Variants in DACH2 observed in about 807,000 individuals in gnomAD.
DACH2 encodes dachshund family transcription factor 2.
Under a neutral mutation model 35.8 loss-of-function variants are expected in DACH2, and 17 were observed. The observed-to-expected ratio is 0.48, with a 90% CI of 0.33 to 0.71. The LOEUF (loss-of-function observed/expected upper bound fraction) is 0.71. Ranked by LOEUF, DACH2 falls within the 30% of genes least tolerant of loss-of-function variation. The pLI is 0.02. For synonymous variants in DACH2, 195 were observed against 177.3 expected, an observed-to-expected ratio of 1.10 and a Z score of -0.79; for missense variants, 469 against 472.7, an observed-to-expected ratio of 0.99 and a Z score of 0.07.
chrX:86,313,829 G>A (rs2034845855), intron 1 of DACH2, among the ~76,000 whole-genome samples: 1 of 111,406 alleles, frequency 9.0e-6, no homozygotes, highest in Non-Finnish European at 1.9e-5. Context: ...ACAAGTTGTG[G>A]CAACCCCACA....
intron 7 of DACH2, among the ~76,000 whole-genome samples, chrX:86,760,128 T>G (rs1474740614): frequency 1.8e-5 from 2 of 111,599 alleles, no homozygotes; most frequent in South Asian, 3.7e-4. Context: ...TTTTTAGAAT[T>G]TTATCATTGC....
chrX:86,331,305 A>T lies in DACH2; in HGVS notation c.489-45519A>T, dbSNP rs1297683063. 4.5e-5 allele frequency among the ~76,000 whole-genome samples: 5 copies of T among 111,180 alleles called. No homozygotes were observed. The Admixed American group carries it at 4.9e-4, about 11-fold the overall frequency. On this transcript the variant is annotated intron_variant, in intron 1 of 11. Transcript: ENST00000373125. Reference sequence around the variant, plus strand: ...GTTCCCATTGACACAAACTAACCCAATGTGGTTAGTTATACTGCTTCATGA... The same window carrying T: ...GTTCCCATTGACACAAACTAACCCATTGTGGTTAGTTATACTGCTTCATGA...
At chrX:86,463,081 G>T (rs945816725) in intron 2 of DACH2, among the ~76,000 whole-genome samples, 1 of 111,232 alleles carries the variant, frequency 9.0e-6, no homozygotes, top group African/African-American at 3.3e-5. Flanking sequence ...TGATTGCAAA[G>T]CACTACGATA....
At chrX:86,266,926 TA>T (rs1420924995) in intron 1 of DACH2, among the ~76,000 whole-genome samples, 9 of 112,117 alleles carry the variant, frequency 8.0e-5, no homozygotes, top group South Asian at 3.7e-4. Context: ...ATATTATGGA[TA>T]AAAAATAATT....
chrX:86,667,553 A>AAGG (rs2040706248), intron 4 of DACH2, among the ~76,000 whole-genome samples: 2 of 49,644 alleles, frequency 4.0e-5, no homozygotes, highest in African/African-American at 2.1e-4. Context: ...AAGAAGAAAG[A>AAGG]AAGAAAGAAA....
At position 86,685,086 on chromosome X, in the gene DACH2, A is replaced by G. The variant is rs144041328; in HGVS notation, c.773-9935A>G. ...TTAATGAAGGTGACAGAGTTCCTAC[A>G]TTGAGTAGAAGTATCAGCTCTGCTA... On this transcript the variant is annotated intron_variant, in intron 4 of 11. Coordinates refer to ENST00000373125, the MANE Select transcript of DACH2 (RefSeq NM_053281.3). 1.4e-3 allele frequency among the ~76,000 whole-genome samples: 162 copies of G among 111,981 alleles called. 1 individual carries two copies. In the East Asian group the frequency reaches 0.04, roughly 28 times the overall value.
At chrX:86,556,269 C>T (rs1389463769) in intron 3 of DACH2, among the ~76,000 whole-genome samples, 1 of 111,005 alleles carries the variant, frequency 9.0e-6, no homozygotes, top group African/African-American at 3.3e-5. Flanking sequence ...CCTAGAAAGC[C>T]AATCGTTGCC....
At chrX:86,436,310 G>C (rs894269796) in intron 2 of DACH2, among the ~76,000 whole-genome samples, 9 of 109,727 alleles carry the variant, frequency 8.2e-5, no homozygotes, top group African/African-American at 3.0e-4. Flanking sequence ...AAACTCCTGT[G>C]GCAAAAGTGG....
In DACH2 at chrX:86,398,134, G is replaced by A. The variant is rs900344451; in HGVS notation, c.527+21272G>A. Among the ~76,000 whole-genome samples, 74 of 111,762 alleles carry A rather than the reference G, an allele frequency of 6.6e-4. 1 individual carries two copies. Among genetic ancestry groups the A allele is most frequent in the Admixed American group, 4.7e-3 (50 of 10,550 alleles). The stretch of plus-strand genomic sequence containing the variant: ...AGTCTTCGGATGGTGTATGTGTCGA[G>A]GAATTTATCCATTTCTCCTAGATTT... On this transcript the variant is annotated intron_variant, in intron 2 of 11. Transcript: ENST00000373125.
At chrX:86,276,062 G>C (rs2033910522) in intron 1 of DACH2, among the ~76,000 whole-genome samples, 1 of 112,052 alleles carries the variant, frequency 8.9e-6, no homozygotes, top group African/African-American at 3.2e-5. Flanking sequence ...CCTTTCTTTT[G>C]GGTATATACC....
intron 2 of DACH2, among the ~76,000 whole-genome samples, chrX:86,388,832 A>T (rs1344769367): frequency 9.0e-6 from 1 of 111,634 alleles, no homozygotes; most frequent in African/African-American, 3.3e-5. Flanking sequence ...GTGGCCTAAC[A>T]TTTTCCACAG....
At chrX:86,469,834 G>C (rs1370442022) in intron 2 of DACH2, among the ~76,000 whole-genome samples, 1 of 105,621 alleles carries the variant, frequency 9.5e-6, no homozygotes, top group Non-Finnish European at 1.9e-5. Context: ...GTATACGTCT[G>C]TGTGTGTTTG....
At chrX:86,427,234 A>G (rs890103526) in intron 2 of DACH2, among the ~76,000 whole-genome samples, 16 of 111,082 alleles carry the variant, frequency 1.4e-4, no homozygotes, top group Non-Finnish European at 2.8e-4. Flanking sequence ...ATACCTCTTA[A>G]TTGGGTCACA....
intron 3 of DACH2, among the ~76,000 whole-genome samples, chrX:86,525,256 C>T (rs1048427317): frequency 5.4e-5 from 6 of 111,549 alleles, no homozygotes; most frequent in Non-Finnish European, 9.4e-5. Context: ...GTATTGGAAC[C>T]GCTTAAGTTA....
At chrX:86,723,796 G>A (rs564618470) in intron 6 of DACH2, among the ~76,000 whole-genome samples, 2 of 111,271 alleles carry the variant, frequency 1.8e-5, no homozygotes, top group South Asian at 7.5e-4. Context: ...TCTATAGATG[G>A]TTCTCCCATG....
intron 2 of DACH2, among the ~76,000 whole-genome samples, chrX:86,492,739 A>C (rs766607695): frequency 1.3e-4 from 14 of 111,869 alleles, no homozygotes; most frequent in Admixed American, 3.8e-4. Flanking sequence ...TTCACTTAGG[A>C]CAATGGCCTC....
intron 7 of DACH2, chrX:86,798,838 A>G (rs2042264152): frequency 1.5e-5 from 2 of 131,278 alleles, no homozygotes; most frequent in Admixed American, 9.2e-5. Context: ...AAAATCATCA[A>G]CGATTATTGA....
chrX:86,650,782 A>G lies in DACH2; in HGVS notation c.641-254A>G, dbSNP rs1398354358. Among the ~76,000 whole-genome samples, 3 of 111,432 alleles carry G rather than the reference A, an allele frequency of 2.7e-5. No individual in the cohort carries two copies. In the East Asian group the frequency reaches 8.4e-4, roughly 31 times the overall value. On this transcript the variant is annotated intron_variant, in intron 3 of 11. Coordinates refer to ENST00000373125, the MANE Select transcript of DACH2 (RefSeq NM_053281.3). ...AGGAATTATAAGAATTGAAAGTTACATTGTTAAAAATATTAACAAATTCAA... is the reference window on the plus strand; with the variant it reads ...AGGAATTATAAGAATTGAAAGTTACGTTGTTAAAAATATTAACAAATTCAA...
chrX:86,157,807 GA>G (rs1162035193), intron 1 of DACH2, among the ~76,000 whole-genome samples: 2 of 111,138 alleles, frequency 1.8e-5, no homozygotes, highest in Non-Finnish European at 3.8e-5. Context: ...ACAGTATTTA[GA>G]AAAATTTATT....
Sources: allele counts gnomAD v4.1 joint callset (sites outside exome capture counted in the v4.1 genomes callset), GRCh38; gene constraint gnomAD v4.1.1; transcripts MANE v1.5; gene names NCBI Gene and HGNC (gene_info 2026-07-23, HGNC 2026-07-21).